The following TMIGD1 variants were observed in gnomAD, a reference collection of about 807,000 sequenced individuals.
The protein encoded by TMIGD1 is transmembrane and immunoglobulin domain-containing protein 1.
TMIGD1 carries 29 observed loss-of-function variants against 27.5 expected under a neutral mutation model. The observed-to-expected ratio is 1.05, with a 90% CI of 0.78 to 1.44. The LOEUF is 1.44. Among genes scored for constraint, TMIGD1 ranks in the 40% most tolerant of loss-of-function variants. The pLI is 0.00. For missense variants in TMIGD1, 334 were observed against 310.6 expected, an observed-to-expected ratio of 1.08 and a Z score of -0.57; for synonymous variants, 109 against 110.3, an observed-to-expected ratio of 0.99 and a Z score of 0.07.
Position 30,329,337 on chromosome 17 carries a change from A to G in TMIGD1, c.275T>C (p.Ile92Thr). The stretch of plus-strand genomic sequence containing the variant: ...GCTGATTCCGTTGTCATTTTCACTG[A>G]TGGAAGAGACACAGACAGAGCTGGA... ...INSSSVCVSS[I>T]SENDNGISFT... Residue 92 changes from isoleucine (I) to threonine (T), a missense_variant, in exon 3 of 7, where the codon ATC becomes ACC. Coordinates refer to ENST00000328886, the MANE Select transcript of TMIGD1 (RefSeq NM_206832.3). 1 of 1,614,020 alleles carries G rather than the reference A, an allele frequency of 6.2e-7. No homozygotes were observed. The highest frequency in any genetic ancestry group is 8.5e-7 in the Non-Finnish European group (1 of 1,180,014).
intron 2 of TMIGD1, among the ~76,000 whole-genome samples, chr17:30,331,583 A>AT (rs71360742): frequency 0.16 from 20,764 of 133,146 alleles, 2,182 homozygotes; most frequent in Non-Finnish European, 0.23. Context: ...TTTCCATTTG[A>AT]TTTTTTTTTT....
intron 3 of TMIGD1, among the ~76,000 whole-genome samples, chr17:30,328,607 C>T (rs1241954666): frequency 2.0e-5 from 3 of 151,066 alleles, no homozygotes; most frequent in Non-Finnish European, 3.0e-5. Flanking sequence ...TGGAAACAAA[C>T]AAAAAAAAGA....
intron 1 of TMIGD1, among the ~76,000 whole-genome samples, chr17:30,333,565 T>C (rs1198963025): frequency 2.0e-5 from 3 of 152,170 alleles, no homozygotes; most frequent in Non-Finnish European, 4.4e-5. Context: ...AATATACCTA[T>C]ACCTACTCTA....
Position 30,329,543 on chromosome 17 carries a change from G to T in TMIGD1, c.83-14C>A. On this transcript the variant is annotated splice_polypyrimidine_tract_variant and intron_variant, in intron 2 of 6. Coordinates refer to ENST00000328886, the MANE Select transcript of TMIGD1 (RefSeq NM_206832.3). The stretch of plus-strand genomic sequence containing the variant: ...TTAAAACAGAACCTGGGAGTATAGG[G>T]AGAAACTATTTAGATATACAGAGTA... 1.2e-6 allele frequency: 2 copies of T among 1,602,034 alleles called. No individual in the cohort carries two copies. Among genetic ancestry groups the T allele is most frequent in the South Asian group, 1.1e-5 (1 of 90,702 alleles).
chr17:30,320,741 C>T (rs1339076389), intron 4 of TMIGD1, among the ~76,000 whole-genome samples: 1 of 152,156 alleles, frequency 6.6e-6, no homozygotes, highest in Non-Finnish European at 1.5e-5. Context: ...TCCGTAGTCC[C>T]AGACACTTGG....
Position 30,320,674 on chromosome 17 carries a change from A to G in TMIGD1, c.641-1761T>C, listed in dbSNP as rs138040868. ...AATGTGCTTTGCTTTAATATCTTTG[A>G]TATGATATGGAATGAAACTCTCAAA... On this transcript the variant is annotated intron_variant, in intron 4 of 6. Transcript: ENST00000328886. Among the ~76,000 whole-genome samples the G allele has an allele frequency of 4.7e-3, 722 of 152,266 alleles. 4 individuals carry two copies. Among genetic ancestry groups the G allele is most frequent in the African/African-American group, 0.017 (703 of 41,562 alleles).
At chr17:30,319,261 A>ATATATATATATATAT (rs1555600534) in intron 4 of TMIGD1, among the ~76,000 whole-genome samples, 4 of 69,046 alleles carry the variant, frequency 5.8e-5, no homozygotes, top group African/African-American at 1.8e-4. Flanking sequence ...AAAAAAAAAA[A>ATATATATATATATAT]ATATATATAT....
In TMIGD1 at chr17:30,325,082, A is replaced by G. The variant is rs1425667189; in HGVS notation, c.374T>C (p.Leu125Pro). The G allele has an allele frequency of 2.5e-6, 4 of 1,610,936 alleles. No individual in the cohort carries two copies. The highest frequency in any genetic ancestry group is 1.7e-4 in the Middle Eastern group (1 of 6,044). Residue 125 changes from leucine to proline, a missense_variant, in exon 4 of 7, where the codon CTA becomes CCA. Leu to Pro is a moderately conservative substitution (Grantham distance 98, BLOSUM62 -3). Transcript: ENST00000328886. Reference sequence around the variant, plus strand: ...AACTGTTTGGAAGTCGTTTCCACTTAGGAGAGGAGGAACTGCAAGACTCAA... The same window carrying G: ...AACTGTTTGGAAGTCGTTTCCACTTGGGAGAGGAGGAACTGCAAGACTCAA... ...VVLNVTFPPL[L>P]SGNDFQTVEE...
At chr17:30,327,275 G>A (rs1358447324) in intron 3 of TMIGD1, among the ~76,000 whole-genome samples, 4 of 152,084 alleles carry the variant, frequency 2.6e-5, no homozygotes, top group East Asian at 1.9e-4. Flanking sequence ...AAATCAGCTC[G>A]GCCTGGTGGT....
chr17:30,332,064 G>A lies in TMIGD1; in HGVS notation c.70C>T (p.Arg24Cys), dbSNP rs377086293. The A allele has an allele frequency of 1.0e-4, 166 of 1,610,320 alleles. No individual in the cohort carries two copies. Among genetic ancestry groups the A allele is most frequent in the Middle Eastern group, 3.3e-4 (2 of 6,054 alleles). ...FLLLVILFLP[R>C]EMTSSVLTVN... ...AACTTTAACTTACTTGTCATCTCACGTGGCAGAAATAAAATTACTAAGAGA... is the reference window on the plus strand; with the variant it reads ...AACTTTAACTTACTTGTCATCTCACATGGCAGAAATAAAATTACTAAGAGA... The change falls in exon 2 of 7, where the codon CGT becomes TGT. Residue 24 changes from arginine to cysteine, a missense_variant. Transcript: ENST00000328886.
chr17:30,323,991 T>C (rs754927779), intron 4 of TMIGD1, among the ~76,000 whole-genome samples: 14 of 152,320 alleles, frequency 9.2e-5, no homozygotes, highest in Non-Finnish European at 1.5e-4. Flanking sequence ...AAATAAGATG[T>C]CCTATGGTTA....
At position 30,324,826 on chromosome 17, in the gene TMIGD1, C is replaced by T; in HGVS notation, c.630G>A (p.Leu210=). ...SLKTESLDFH[L]IVKDKTVGVP... is the part of the protein sequence containing the mutation. The stretch of plus-strand genomic sequence containing the variant: ...TAAAAAGAGCATTACCTTTAACAAT[C>T]AGGTGAAAGTCCAAGCTCTCCGTTT... The change falls in exon 4 of 7, where the codon CTG becomes CTA. Residue 210 remains leucine (L), a synonymous_variant. Coordinates refer to ENST00000328886, the MANE Select transcript of TMIGD1 (RefSeq NM_206832.3). The T allele has an allele frequency of 6.2e-7, 1 of 1,613,820 alleles. No individual in the cohort carries two copies. Among genetic ancestry groups the T allele is most frequent in the Non-Finnish European group, 8.5e-7 (1 of 1,179,740 alleles).
chr17:30,328,141 TCTC>T (rs2095701493), intron 3 of TMIGD1, among the ~76,000 whole-genome samples: 1 of 151,830 alleles, frequency 6.6e-6, no homozygotes, highest in Non-Finnish European at 1.5e-5. Flanking sequence ...TTCAAGCAAT[TCTC>T]CTGCCTCAGC....
chr17:30,329,946 A>G (rs753146307), intron 2 of TMIGD1, among the ~76,000 whole-genome samples: 1 of 151,792 alleles, frequency 6.6e-6, no homozygotes, highest in Non-Finnish European at 1.5e-5. Flanking sequence ...TTAGCCAGGC[A>G]TGGTGGTGTG....
chr17:30,332,386 T>C (rs1045101563), intron 1 of TMIGD1, among the ~76,000 whole-genome samples: 2 of 152,222 alleles, frequency 1.3e-5, no homozygotes, highest in Non-Finnish European at 2.9e-5. Flanking sequence ...AAATAGGCTA[T>C]GACAGATAGA....
chr17:30,327,963 C>T (rs555152902), intron 3 of TMIGD1, among the ~76,000 whole-genome samples: 1 of 152,148 alleles, frequency 6.6e-6, no homozygotes, highest in African/African-American at 2.4e-5. Flanking sequence ...GTTACCAATA[C>T]CTGGAACCCA....
chr17:30,319,908 A>G (rs1342925425), intron 4 of TMIGD1, among the ~76,000 whole-genome samples: 1 of 152,144 alleles, frequency 6.6e-6, no homozygotes, highest in Non-Finnish European at 1.5e-5. Context: ...AGTTTTCTGC[A>G]TCTCTCTAAA....
intron 3 of TMIGD1, 50 bp downstream of exon 3, chr17:30,329,201 G>T: frequency 5.1e-6 from 8 of 1,582,792 alleles, no homozygotes; most frequent in Non-Finnish European, 6.9e-6. Context: ...ACCACTTCAT[G>T]TGTTACAGAC....
intron 3 of TMIGD1, 91 bp from the exon 4 acceptor site, chr17:30,325,185 TC>T: frequency 7.2e-7 from 1 of 1,383,026 alleles, no homozygotes; most frequent in Non-Finnish European, 9.8e-7. Context: ...TCTCATGTGG[TC>T]ATTTATTCAT....
Sources: gnomAD v4.1 joint callset for allele counts (sites outside exome capture counted in the v4.1 genomes callset) on GRCh38, gnomAD v4.1.1 for gene constraint, MANE v1.5 for transcripts, NCBI Gene and HGNC (gene_info 2026-07-23, HGNC 2026-07-21) for gene names.